The following TENM4 variants were observed in gnomAD, a reference collection of about 807,000 sequenced individuals.
TENM4 encodes teneurin transmembrane protein 4, also known as teneurin-4.
TENM4 carries 82 observed loss-of-function variants against 243.3 expected under a neutral mutation model. The observed-to-expected ratio is 0.34, with a 90% CI of 0.28 to 0.40. The LOEUF (loss-of-function observed/expected upper bound fraction) is 0.40. TENM4 is among the 10% of genes least tolerant of loss of function. The pLI is 1.00. For synonymous variants in TENM4, 1,412 were observed against 1,456.3 expected, an observed-to-expected ratio of 0.97 and a Z score of 0.69; for missense variants, 3,138 against 3,673.3, an observed-to-expected ratio of 0.85 and a Z score of 3.77.
intron 31 of TENM4, among the ~76,000 whole-genome samples, chr11:78,671,428 C>G (rs1284745781): frequency 6.6e-6 from 1 of 152,228 alleles, no homozygotes; most frequent in East Asian, 1.9e-4. Flanking sequence ...GATCTGGATA[C>G]TTGAAATGGG....
intron 2 of TENM4, among the ~76,000 whole-genome samples, chr11:79,263,160 G>A (rs938480319): frequency 5.3e-5 from 8 of 152,186 alleles, no homozygotes; most frequent in Admixed American, 2.0e-4. Context: ...AAGCCCTCCC[G>A]TTTCCCTTTG....
intron 1 of TENM4, among the ~76,000 whole-genome samples, chr11:79,394,885 C>CCAAGGAG (rs1858309472): frequency 6.6e-6 from 1 of 152,110 alleles, no homozygotes; most frequent in African/African-American, 2.4e-5. Flanking sequence ...CTGGACTTAT[C>CCAAGGAG]AGCTGCAAGC....
intron 16 of TENM4, among the ~76,000 whole-genome samples, chr11:78,781,839 TTC>T (rs1194234404): frequency 6.6e-6 from 1 of 152,206 alleles, no homozygotes; most frequent in Non-Finnish European, 1.5e-5. Context: ...ATCAGTGCTC[TTC>T]TCTCTTTGGA....
chr11:79,247,939 T>C (rs993143498), intron 2 of TENM4, among the ~76,000 whole-genome samples: 3 of 152,100 alleles, frequency 2.0e-5, no homozygotes, highest in African/African-American at 7.2e-5. Context: ...ACACATAGAG[T>C]AGCCCTTGCC....
chr11:78,695,238 T>C (rs1274306490), intron 28 of TENM4, among the ~76,000 whole-genome samples: 1 of 151,960 alleles, frequency 6.6e-6, no homozygotes, highest in African/African-American at 2.4e-5. Context: ...TTGGTAGAGA[T>C]GGGTATTTCT....
chr11:79,274,858 C>T (rs1204244251), intron 2 of TENM4, among the ~76,000 whole-genome samples: 1 of 152,142 alleles, frequency 6.6e-6, no homozygotes, highest in African/African-American at 2.4e-5. Context: ...TGGGCCCCAC[C>T]CTTCACTTGC....
chr11:78,894,666 T>C (rs1181916504), intron 7 of TENM4, among the ~76,000 whole-genome samples: 18 of 152,174 alleles, frequency 1.2e-4, no homozygotes, highest in Admixed American at 9.8e-4. Context: ...TAGATCTCTC[T>C]GGAATTTGGA....
chr11:79,257,019 G>A (rs1021632537), intron 2 of TENM4, among the ~76,000 whole-genome samples: 1 of 152,190 alleles, frequency 6.6e-6, no homozygotes, highest in African/African-American at 2.4e-5. Flanking sequence ...AGGATAAGCA[G>A]GAGTGGGCAT....
chr11:79,086,724 C>T (rs1241072739), intron 4 of TENM4, among the ~76,000 whole-genome samples: 1 of 149,200 alleles, frequency 6.7e-6, no homozygotes, highest in Admixed American at 6.8e-5. Context: ...GTCCCAGCTG[C>T]TTGGGAAGCT....
chr11:79,038,066 C>G (rs1320753775), intron 6 of TENM4, among the ~76,000 whole-genome samples: 1 of 152,188 alleles, frequency 6.6e-6, no homozygotes, highest in Admixed American at 6.5e-5. Context: ...CCTGCAAAGT[C>G]AAAGCTGGAC....
chr11:79,354,820 A>G (rs1040093279), intron 1 of TENM4, among the ~76,000 whole-genome samples: 32 of 152,238 alleles, frequency 2.1e-4, no homozygotes, highest in Non-Finnish European at 3.4e-4. Flanking sequence ...CAAAAAAAGA[A>G]TTTGAAGTCT....
At position 79,063,581 on chromosome 11, in the gene TENM4, G is replaced by A. The variant is rs1565188112; in HGVS notation, c.493+1157C>T. Among the ~76,000 whole-genome samples, 3 of 152,260 alleles carry A rather than the reference G, an allele frequency of 2.0e-5. No individual in the cohort carries two copies. In the South Asian group the frequency reaches 6.2e-4, roughly 32 times the overall value. On this transcript the variant is annotated intron_variant, in intron 6 of 33. Transcript: ENST00000278550. ...GCCAGAACCCAGCAGGACCCACCTC[G>A]GTGCTGACCTGGCTCAGCAAAGCTG...
intron 1 of TENM4, among the ~76,000 whole-genome samples, chr11:79,330,186 A>G (rs1857039524): frequency 6.6e-6 from 1 of 152,230 alleles, no homozygotes; most frequent in Admixed American, 6.5e-5. Context: ...AATGGTATAC[A>G]AGCAACTCTT....
chr11:78,859,344 A>C (rs1858759187), intron 10 of TENM4, among the ~76,000 whole-genome samples: 1 of 152,196 alleles, frequency 6.6e-6, no homozygotes, highest in South Asian at 2.1e-4. Flanking sequence ...CACTGCAAAA[A>C]GCTTAGGTCA....
chr11:79,265,276 G>A (rs1009332744), intron 2 of TENM4, among the ~76,000 whole-genome samples: 6 of 152,084 alleles, frequency 3.9e-5, no homozygotes, highest in Non-Finnish European at 7.4e-5. Flanking sequence ...GGTGGGTCTC[G>A]GACATTCCTT....
At chr11:78,683,649 G>A (rs1424855784) in intron 29 of TENM4, among the ~76,000 whole-genome samples, 2 of 142,248 alleles carry the variant, frequency 1.4e-5, no homozygotes, top group Admixed American at 7.0e-5. Flanking sequence ...CGCACGGTGC[G>A]CGCACACACT....
At chr11:78,833,002 C>G (rs1858018021) in intron 12 of TENM4, among the ~76,000 whole-genome samples, 1 of 152,146 alleles carries the variant, frequency 6.6e-6, no homozygotes, top group Non-Finnish European at 1.5e-5. Context: ...CTCAAATAAG[C>G]CATCCAAATG....
At chr11:79,117,911 C>T (rs1861655086) in intron 4 of TENM4, among the ~76,000 whole-genome samples, 1 of 152,246 alleles carries the variant, frequency 6.6e-6, no homozygotes, top group Non-Finnish European at 1.5e-5. Context: ...TCAGACATAC[C>T]TGCGCAGGGA....
At chr11:79,227,617 A>G (rs613968) in intron 2 of TENM4, among the ~76,000 whole-genome samples, 130,267 of 152,212 alleles carry the variant, frequency 0.86, 55,900 homozygotes, top group East Asian at 0.99. Flanking sequence ...AGGCAGCCCT[A>G]GAAGGAGAAA....
Sources: allele counts gnomAD v4.1 joint callset (sites outside exome capture counted in the v4.1 genomes callset), GRCh38; gene constraint gnomAD v4.1.1; transcripts MANE v1.5; gene names NCBI Gene and HGNC (gene_info 2026-07-23, HGNC 2026-07-21).